The following CAMTA1 variants were observed in gnomAD, a reference collection of about 807,000 sequenced individuals.
CAMTA1 encodes the protein calmodulin binding transcription activator 1.
CAMTA1 carries 27 observed loss-of-function variants against 170.9 expected under a neutral mutation model. The observed-to-expected ratio is 0.16, with a 90% CI of 0.12 to 0.22. The LOEUF (loss-of-function observed/expected upper bound fraction) is 0.22, where lower values mean the gene tolerates loss of function less well. CAMTA1 is among the 10% of genes least tolerant of loss of function. CAMTA1 has a pLI of 1.00. For missense variants in CAMTA1, 1,619 were observed against 2,217.2 expected, an observed-to-expected ratio of 0.73 and a Z score of 5.42; for synonymous variants, 833 against 891.5, an observed-to-expected ratio of 0.93 and a Z score of 1.17.
At chr1:7,448,622 A>G (rs2092737394) in intron 5 of CAMTA1, among the ~76,000 whole-genome samples, 1 of 152,236 alleles carries the variant, frequency 6.6e-6, no homozygotes, top group African/African-American at 2.4e-5. Flanking sequence ...TCCAAGATCA[A>G]GGTACCAGCA....
intron 5 of CAMTA1, among the ~76,000 whole-genome samples, chr1:7,380,339 C>T (rs1009951070): frequency 3.3e-5 from 5 of 152,116 alleles, no homozygotes; most frequent in African/African-American, 1.2e-4. Flanking sequence ...CTTTGGGAGG[C>T]TGAGGCAGGT....
At chr1:7,147,141 C>T (rs1317345630) in intron 4 of CAMTA1, among the ~76,000 whole-genome samples, 3 of 151,390 alleles carry the variant, frequency 2.0e-5, no homozygotes, top group Non-Finnish European at 3.0e-5. Flanking sequence ...TACCACACAG[C>T]CAGGCATGAT....
chr1:7,229,817 A>G (rs1344841502), intron 4 of CAMTA1, among the ~76,000 whole-genome samples: 1 of 152,122 alleles, frequency 6.6e-6, no homozygotes, highest in East Asian at 1.9e-4. Flanking sequence ...TTCTTTATAG[A>G]GAAGTTGAGC....
At position 7,195,523 on chromosome 1, in the gene CAMTA1, C is replaced by G. The variant is rs1029591141; in HGVS notation, c.303-53968C>G. Among the ~76,000 whole-genome samples the G allele has an allele frequency of 2.0e-5, 3 of 152,160 alleles. No individual in the cohort carries two copies. Among genetic ancestry groups the G allele is most frequent in the Admixed American group, 6.5e-5 (1 of 15,288 alleles). On this transcript the variant is annotated intron_variant, in intron 4 of 22. Transcript: ENST00000303635. The surrounding 1 kb of genome is among the most constrained non-coding windows in gnomAD (Gnocchi z 4.1). ...TCCTGTTACAGCATCATGGCCTCACCTGTCCTGACTGATGCAGGTGGATAC... is the reference window on the plus strand; with the variant it reads ...TCCTGTTACAGCATCATGGCCTCACGTGTCCTGACTGATGCAGGTGGATAC...
intron 4 of CAMTA1, among the ~76,000 whole-genome samples, chr1:7,220,164 C>T (rs947664981): frequency 2.0e-5 from 3 of 152,220 alleles, no homozygotes; most frequent in Admixed American, 6.5e-5. Flanking sequence ...TCAGATTCAG[C>T]GCTGCGTGGC....
chr1:7,746,197 C>A, intron 18 of CAMTA1, 106 bp downstream of exon 18: 2 of 1,363,900 alleles, frequency 1.5e-6, no homozygotes, highest in Non-Finnish European at 2.0e-6. Flanking sequence ...TTTTTTTCCT[C>A]TGAATTTGTA....
At chr1:7,401,009 G>T (rs186090509) in intron 5 of CAMTA1, among the ~76,000 whole-genome samples, 2 of 152,086 alleles carry the variant, frequency 1.3e-5, no homozygotes, top group Non-Finnish European at 2.9e-5. Context: ...CAAAGAATAG[G>T]TGTTCTTAAT....
chr1:7,193,672 A>G (rs372067478), intron 4 of CAMTA1, among the ~76,000 whole-genome samples: 48 of 152,260 alleles, frequency 3.2e-4, no homozygotes, highest in African/African-American at 1.1e-3. Flanking sequence ...AGCTTGAGCC[A>G]CACACAGAGG....
At chr1:6,960,640 T>C (rs1690233745) in intron 3 of CAMTA1, among the ~76,000 whole-genome samples, 1 of 152,188 alleles carries the variant, frequency 6.6e-6, no homozygotes, top group South Asian at 2.1e-4. Flanking sequence ...TCTTATCACA[T>C]CGGACACGGA....
intron 5 of CAMTA1, among the ~76,000 whole-genome samples, chr1:7,391,119 T>TC (rs2149130963): frequency 6.6e-6 from 1 of 152,160 alleles, no homozygotes; most frequent in South Asian, 2.1e-4. Context: ...TGCCTCAGCC[T>TC]CCCGAGTAGC....
At chr1:6,930,425 G>A (rs1305860698) in intron 3 of CAMTA1, among the ~76,000 whole-genome samples, 1 of 152,180 alleles carries the variant, frequency 6.6e-6, no homozygotes. Flanking sequence ...TTCTGTAACT[G>A]ATTCTAATTT....
chr1:7,469,363 A>G (rs1035375604), intron 6 of CAMTA1, among the ~76,000 whole-genome samples: 1 of 152,146 alleles, frequency 6.6e-6, no homozygotes, highest in African/African-American at 2.4e-5. Context: ...TTTCTCCTCT[A>G]CCCGATGAAG....
At chr1:7,035,287 C>T (rs1020055397) in intron 3 of CAMTA1, among the ~76,000 whole-genome samples, 1 of 152,010 alleles carries the variant, frequency 6.6e-6, no homozygotes, top group Non-Finnish European at 1.5e-5. Flanking sequence ...GTAATCTCAG[C>T]TACTTGGGAG....
In CAMTA1 at chr1:7,641,889, ACTCAATGCCCATTCAATGCACG is replaced by A. The variant is rs2095763808; in HGVS notation, c.664+1348_664+1369del. On this transcript the variant is annotated intron_variant, in intron 7 of 22. Transcript: ENST00000303635. The surrounding 1 kb of genome is among the most constrained non-coding windows in gnomAD (Gnocchi z 4.5). ...ACCACATCCCTCTCTGCTTAAAACC[ACTCAATGCCCATTCAATGCACG>A]CTCAATGCCCAAGCTCCTGAGCACA... is the stretch of plus-strand genomic sequence containing the variant. 6.6e-6 allele frequency among the ~76,000 whole-genome samples: 1 copy of A among 151,900 alleles called. No individual in the cohort carries two copies. Among genetic ancestry groups the A allele is most frequent in the African/African-American group, 2.4e-5 (1 of 41,324 alleles).
chr1:7,653,891 C>T (rs1292394956), intron 7 of CAMTA1, among the ~76,000 whole-genome samples: 2 of 152,154 alleles, frequency 1.3e-5, no homozygotes, highest in Non-Finnish European at 2.9e-5. Context: ...GCATGAGCAG[C>T]CAGGAAGGCT....
intron 4 of CAMTA1, among the ~76,000 whole-genome samples, chr1:7,211,839 A>G (rs1274541393): frequency 1.3e-5 from 2 of 152,158 alleles, no homozygotes; most frequent in Non-Finnish European, 2.9e-5. Context: ...ACACAAACAC[A>G]TATATATCCA....
At chr1:7,263,873 T>C (rs1421958828) in intron 5 of CAMTA1, among the ~76,000 whole-genome samples, 1 of 152,246 alleles carries the variant, frequency 6.6e-6, no homozygotes, top group Non-Finnish European at 1.5e-5. Flanking sequence ...TATTTCAAGA[T>C]CCTTGCTTAA....
At chr1:6,902,099 G>C (rs982188420) in intron 3 of CAMTA1, among the ~76,000 whole-genome samples, 3 of 126,180 alleles carry the variant, frequency 2.4e-5, no homozygotes, top group Admixed American at 1.5e-4. Context: ...ATAAAAACTC[G>C]TACTGGCTTT....
chr1:7,225,749 T>G (rs1297464265), intron 4 of CAMTA1, among the ~76,000 whole-genome samples: 1 of 152,222 alleles, frequency 6.6e-6, no homozygotes, highest in Non-Finnish European at 1.5e-5. Context: ...GACTTTTGGT[T>G]GGCTCAGAGT....
Sources: gnomAD v4.1 joint callset for allele counts (sites outside exome capture counted in the v4.1 genomes callset) on GRCh38, gnomAD v4.1.1 for gene constraint, Gnocchi (gnomAD v3.1) non-coding constraint, MANE v1.5 for transcripts, NCBI Gene and HGNC (gene_info 2026-07-23, HGNC 2026-07-21) for gene names.